Variants in ATP10B observed in about 807,000 individuals in gnomAD.
ATP10B encodes ATPase phospholipid transporting 10B (putative).
Under a neutral mutation model 141.2 loss-of-function variants are expected in ATP10B, and 122 were observed. The observed-to-expected ratio is 0.86, with a 90% CI of 0.75 to 1.00. ATP10B has a LOEUF of 1.00. Among genes scored for constraint, ATP10B ranks in the 50% least tolerant of loss-of-function variants. ATP10B has a pLI of 0.00. For synonymous variants in ATP10B, 685 were observed against 692.0 expected (o/e 0.99, Z 0.16); for missense variants, 1,876 against 1,825.3 (o/e 1.03, Z -0.51).
intron 2 of ATP10B, among the ~76,000 whole-genome samples, chr5:160,720,428 T>A (rs1031683666): frequency 2.6e-5 from 4 of 152,216 alleles, no homozygotes; most frequent in Non-Finnish European, 4.4e-5. Flanking sequence ...GGGAAATATG[T>A]CTCTTAACAA....
chr5:160,748,910 T>C (rs1767976679), intron 2 of ATP10B, among the ~76,000 whole-genome samples: 1 of 152,248 alleles, frequency 6.6e-6, no homozygotes, highest in Non-Finnish European at 1.5e-5. Context: ...TACTCTGGGC[T>C]AGGCCCTGCA....
intron 7 of ATP10B, among the ~76,000 whole-genome samples, chr5:160,653,464 T>C (rs62647304): frequency 0.013 from 69 of 5,266 alleles, 19 homozygotes; most frequent in Middle Eastern, 1. Context: ...TATATACATA[T>C]GTACATACAT....
intron 6 of ATP10B, among the ~76,000 whole-genome samples, chr5:160,676,246 T>G (rs1284305287): frequency 6.6e-6 from 1 of 152,170 alleles, no homozygotes; most frequent in Non-Finnish European, 1.5e-5. Context: ...TAAGCAGTGA[T>G]GGCCATGGAA....
rs1758981679 is a variant in ATP10B, at chr5:160,632,189, C to T, written c.1560G>A (p.Arg520=). The change falls in exon 13 of 26, where the codon CGG becomes CGA. Residue 520 remains arginine, a synonymous_variant. Coordinates refer to ENST00000327245, the MANE Select transcript of ATP10B (RefSeq NM_025153.3). The part of the protein sequence containing the change: ...SARVPIQGHY[R]QRSMGHRESS... ...TTTCACGGTGCCCCATAGACCTTTG[C>T]CGGTAGTGGCCCTGGATGGGCACCC... The T allele has an allele frequency of 6.8e-6, 11 of 1,614,204 alleles. No homozygotes were observed. The highest frequency in any genetic ancestry group is 9.3e-6 in the Non-Finnish European group (11 of 1,180,034).
intron 2 of ATP10B, among the ~76,000 whole-genome samples, chr5:160,738,992 A>G (rs1767292454): frequency 6.6e-6 from 1 of 152,220 alleles, no homozygotes; most frequent in African/African-American, 2.4e-5. Context: ...TGGCAAATCA[A>G]ATCTAGTAGG....
intron 7 of ATP10B, among the ~76,000 whole-genome samples, chr5:160,659,776 CA>C (rs1761787700): frequency 6.6e-6 from 1 of 152,100 alleles, no homozygotes; most frequent in South Asian, 2.1e-4. Context: ...TTAAACCTAA[CA>C]TTTATAGAGC....
At chr5:160,777,877 G>A (rs4921333) in intron 2 of ATP10B, among the ~76,000 whole-genome samples, 41,465 of 151,972 alleles carry the variant, frequency 0.27, 5,979 homozygotes, top group African/African-American at 0.35. Flanking sequence ...GCCATTAAGA[G>A]GAATAAGTAA....
chr5:160,605,664 C>T (rs893560292), intron 19 of ATP10B, among the ~76,000 whole-genome samples: 3 of 152,172 alleles, frequency 2.0e-5, no homozygotes, highest in Non-Finnish European at 2.9e-5. Context: ...GGAACAAAAC[C>T]ATCACGTTTA....
chr5:160,798,532 C>T (rs1044338396), intron 1 of ATP10B, among the ~76,000 whole-genome samples: 4 of 152,056 alleles, frequency 2.6e-5, no homozygotes, highest in African/African-American at 4.8e-5. Flanking sequence ...TGAGGGTTGC[C>T]GGCCATCACC....
chr5:160,617,286 G>A (rs2127644189), intron 16 of ATP10B, among the ~76,000 whole-genome samples: 1 of 152,348 alleles, frequency 6.6e-6, no homozygotes, highest in South Asian at 2.1e-4. Context: ...ATCTTGCAAA[G>A]CATGAGTTAG....
At chr5:160,784,551 T>TG (rs1364021024) in intron 2 of ATP10B, among the ~76,000 whole-genome samples, 4 of 152,142 alleles carry the variant, frequency 2.6e-5, no homozygotes, top group Non-Finnish European at 5.9e-5. Flanking sequence ...TTGTTGTTGT[T>TG]TTTAAGTTGG....
intron 2 of ATP10B, among the ~76,000 whole-genome samples, chr5:160,755,706 G>A (rs1049921788): frequency 4.6e-4 from 68 of 147,184 alleles, no homozygotes; most frequent in African/African-American, 1.6e-3. Flanking sequence ...TCCCAGCTAC[G>A]CGGGAAGCTG....
At chr5:160,870,017 G>T in the ATP10B span, among the ~76,000 whole-genome samples, 1 of 152,114 alleles carries the variant, frequency 6.6e-6, no homozygotes, top group Non-Finnish European at 1.5e-5. Context: ...CTCAGAGGAG[G>T]TTAGCCAACC....
chr5:160,610,891 C>A lies in ATP10B; in HGVS notation c.2838+1850G>T, dbSNP rs59205394. Among the ~76,000 whole-genome samples, 1,323 of 152,168 alleles carry A rather than the reference C, an allele frequency of 8.7e-3. 21 individuals carry two copies. Among genetic ancestry groups the A allele is most frequent in the African/African-American group, 0.03 (1,225 of 41,482 alleles). ...CGGATGAGAATTCTGAGGTCTAGGT[C>A]GATCCCATAACTTGATTATTGCTTT... On this transcript the variant is annotated intron_variant, in intron 18 of 25. Coordinates refer to ENST00000327245, the MANE Select transcript of ATP10B (RefSeq NM_025153.3).
the ATP10B span, among the ~76,000 whole-genome samples, chr5:160,897,536 G>A: frequency 2.0e-5 from 3 of 152,090 alleles, no homozygotes. Flanking sequence ...AAGAAAATAA[G>A]AGAGGACACA....
chr5:160,820,629 G>GAA (rs71285016), intron 1 of ATP10B, among the ~76,000 whole-genome samples: 12 of 151,938 alleles, frequency 7.9e-5, no homozygotes, highest in African/African-American at 2.9e-4. Flanking sequence ...GAATATTGAT[G>GAA]AAAAAATCCT....
chr5:160,890,058 C>T, the ATP10B span, among the ~76,000 whole-genome samples: 1 of 152,158 alleles, frequency 6.6e-6, no homozygotes, highest in Non-Finnish European at 1.5e-5. Flanking sequence ...TGGTGCTTTT[C>T]CTTCAGAGTG....
chr5:160,643,171 GT>G lies in ATP10B; in HGVS notation c.868+966del, dbSNP rs1408598423. Among the ~76,000 whole-genome samples, 4 of 152,292 alleles carry G rather than the reference GT, an allele frequency of 2.6e-5. 1 individual carries two copies. Among genetic ancestry groups the G allele is most frequent in the Non-Finnish European group, 5.9e-5 (4 of 68,028 alleles). ...AAAGCTAGCTAAATCGTGACATTAT[GT>G]TTAAAAAGACCTGTTTTTCTTTGAC... On this transcript the variant is annotated intron_variant, in intron 9 of 25. Transcript: ENST00000327245.
chr5:160,731,741 T>TC (rs1283247394), intron 2 of ATP10B, among the ~76,000 whole-genome samples: 1 of 152,196 alleles, frequency 6.6e-6, no homozygotes, highest in African/African-American at 2.4e-5. Context: ...GAAAGGTTAC[T>TC]CCAAGTTCTG....
Sources: gnomAD v4.1 joint callset for allele counts (sites outside exome capture counted in the v4.1 genomes callset) on GRCh38, gnomAD v4.1.1 for gene constraint, MANE v1.5 for transcripts, NCBI Gene and HGNC (gene_info 2026-07-23, HGNC 2026-07-21) for gene names.